The following FREM1 variants were observed in gnomAD, a reference collection of about 807,000 sequenced individuals.
The protein encoded by FREM1 is FRAS1-related extracellular matrix protein 1.
FREM1 carries 220 observed loss-of-function variants against 210.1 expected under a neutral mutation model. The ratio of observed to expected loss-of-function variants is 1.05; its 90% CI spans 0.94 to 1.17. The LOEUF (loss-of-function observed/expected upper bound fraction) is 1.17, where lower values mean the gene tolerates loss of function less well. FREM1 is among the 50% of genes most tolerant of loss of function. The probability of loss-of-function intolerance (pLI) is 0.00; values close to 1 mark genes in which losing one functional copy is unlikely to be tolerated. For synonymous variants in FREM1, 1,189 were observed against 980.2 expected (o/e 1.21, Z -3.98); for missense variants, 3,454 against 2,675.5 (o/e 1.29, Z -6.42).
At chr9:14,741,639 C>G (rs184295968) in intron 35 of FREM1, among the ~76,000 whole-genome samples, 1 of 152,258 alleles carries the variant, frequency 6.6e-6, no homozygotes, top group African/African-American at 2.4e-5. Flanking sequence ...TAAATATAAG[C>G]TGAGGGAGGG....
chr9:14,847,402 A>G (rs1215630854), intron 7 of FREM1, among the ~76,000 whole-genome samples: 1 of 68,794 alleles, frequency 1.5e-5, no homozygotes, highest in African/African-American at 5.3e-5. Flanking sequence ...AGAGAAAAAG[A>G]AGGAAGGAAG....
intron 29 of FREM1, among the ~76,000 whole-genome samples, chr9:14,751,144 G>C (rs907274979): frequency 6.6e-6 from 1 of 152,144 alleles, no homozygotes; most frequent in Non-Finnish European, 1.5e-5. Context: ...AGAAGAACAA[G>C]TGGTGGAAGG....
At chr9:14,861,175 A>G (rs180822581) in intron 3 of FREM1, among the ~76,000 whole-genome samples, 2,440 of 125,774 alleles carry the variant, frequency 0.019, 393 homozygotes, top group African/African-American at 0.081. Flanking sequence ...ACATGTATGT[A>G]CATATATACA....
intron 19 of FREM1, among the ~76,000 whole-genome samples, chr9:14,802,760 A>T (rs1159454150): frequency 6.6e-6 from 1 of 152,204 alleles, no homozygotes; most frequent in Non-Finnish European, 1.5e-5. Flanking sequence ...GGTAATCTGC[A>T]ATGTTACTAT....
chr9:14,850,415 A>C lies in FREM1; in HGVS notation c.1152+869T>G, dbSNP rs562675634. The C allele has an allele frequency of 2.7e-5, 4 of 149,314 alleles. No homozygotes were observed. The East Asian group carries it at 7.7e-4, about 29-fold the overall frequency. 9.2% of individuals were successfully genotyped at this position (149,314 alleles called of 1,614,324 possible). ...AAAAAAAAGAATAAAAGAATTTATT[A>C]ATAAAAGAATTGTGTGCTCACCTTG... On this transcript the variant is annotated intron_variant, in intron 6 of 36. Transcript: ENST00000380880.
rs1564100954 is a variant in FREM1 at position 14,860,742 on chromosome 9, T to TATATATGCAC, written c.330-1268_330-1259dup. The stretch of plus-strand genomic sequence containing the variant: ...ACACATATATACACATATATACACA[T>TATATATGCAC]ATATATGCACATATATATGCACATA... On this transcript the variant is annotated intron_variant, in intron 3 of 36. Coordinates refer to ENST00000380880, the MANE Select transcript of FREM1 (RefSeq NM_001379081.2). 1.6e-4 allele frequency among the ~76,000 whole-genome samples: 21 copies of TATATATGCAC among 127,814 alleles called. 1 individual carries two copies. Among genetic ancestry groups the TATATATGCAC allele is most frequent in the African/African-American group, 6.9e-4 (20 of 28,960 alleles). The allele number at this position is 127,814 out of a possible 152,430, so 83.9% of individuals were successfully genotyped here.
chr9:14,781,766 C>T (rs1404074968), intron 24 of FREM1, among the ~76,000 whole-genome samples: 2 of 152,128 alleles, frequency 1.3e-5, no homozygotes, highest in Admixed American at 6.5e-5. Context: ...TGTAGTGGCA[C>T]CATCGTGGCT....
In FREM1 at chr9:14,842,363, G is replaced by T. The variant is rs771059046; in HGVS notation, c.1691C>A (p.Pro564His). The change falls in exon 9 of 37, where the codon CCT becomes CAT. Residue 564 changes from proline to histidine, a missense_variant. Pro to His is a moderately conservative substitution (Grantham distance 77). Transcript: ENST00000380880. ...CTTCATGATCTCCCCAGCCTGTGGA[G>T]GCTTTGTGATATTGAAGAAGATGTA... is the stretch of plus-strand genomic sequence containing the variant. ...DDYIFFNITK[P>H]PQAGEIMKKP... 2.5e-6 allele frequency: 4 copies of T among 1,608,972 alleles called. No individual in the cohort carries two copies. In the East Asian group the frequency reaches 6.7e-5, roughly 27 times the overall value.
At chr9:14,890,057 T>C (rs1304565165) in intron 1 of FREM1, among the ~76,000 whole-genome samples, 3 of 152,222 alleles carry the variant, frequency 2.0e-5, no homozygotes, top group African/African-American at 7.2e-5. Flanking sequence ...TCCTTTCCTC[T>C]GGGTATCAGG....
At chr9:14,829,637 C>A (rs2130935862) in intron 10 of FREM1, among the ~76,000 whole-genome samples, 1 of 152,258 alleles carries the variant, frequency 6.6e-6, no homozygotes, top group Non-Finnish European at 1.5e-5. Context: ...CATAAGAAGG[C>A]CCTCACAAGA....
chr9:14,782,276 C>T (rs1164432491), intron 24 of FREM1: 1 of 581,022 alleles, frequency 1.7e-6, no homozygotes, highest in African/African-American at 2.0e-5. Context: ...TCTAATAAGA[C>T]TTTCTCTGGA....
At position 14,828,638 on chromosome 9, in the gene FREM1, C is replaced by CGGG. The variant is rs67204004; in HGVS notation, c.1882-3649_1882-3647dup. ...TATGGGAGAAGAACATAAATTGTGG[C>CGGG]GGGGCGGGGGAGGTGCCGGGGTAGA... On this transcript the variant is annotated intron_variant, in intron 10 of 36. Coordinates refer to ENST00000380880, the MANE Select transcript of FREM1 (RefSeq NM_001379081.2). 6.2e-4 allele frequency among the ~76,000 whole-genome samples: 46 copies of CGGG among 74,772 alleles called. 1 individual carries two copies. Among genetic ancestry groups the CGGG allele is most frequent in the African/African-American group, 2.5e-3 (41 of 16,728 alleles). 49.1% of individuals were successfully genotyped at this position (74,772 alleles called of 152,430 possible).
rs765024237 is a variant in FREM1, at chr9:14,747,356, T to G, written c.5917A>C (p.Ile1973Leu). The G allele has an allele frequency of 2.5e-6, 4 of 1,613,786 alleles. No individual in the cohort carries two copies. In the Admixed American group the frequency reaches 5.0e-5, roughly 20 times the overall value. Residue 1973 changes from isoleucine (I) to leucine (L), a missense_variant, in exon 33 of 37, where the codon ATC becomes CTC. Physicochemically the swap from Ile to Leu is conservative, Grantham distance 5. Transcript: ENST00000380880. ...PTHKRKAKVS[I>L]ISQPQKTIKV... The stretch of plus-strand genomic sequence containing the variant: ...ATTGTCTTTTGTGGCTGACTAATGA[T>G]GGATACTTTGGCCTTCCTTTTGTGA...
intron 1 of FREM1, among the ~76,000 whole-genome samples, chr9:14,892,171 G>A (rs1441112742): frequency 6.6e-6 from 1 of 152,040 alleles, no homozygotes; most frequent in African/African-American, 2.4e-5. Context: ...ACTACAGAAG[G>A]GACAATACTG....
At chr9:14,811,422 A>G (rs1355238516) in intron 16 of FREM1, among the ~76,000 whole-genome samples, 4 of 152,182 alleles carry the variant, frequency 2.6e-5, no homozygotes, top group Non-Finnish European at 5.9e-5. Context: ...ATTAAGCAAT[A>G]AATAACAATC....
intron 15 of FREM1, among the ~76,000 whole-genome samples, 199 bp downstream of exon 15, chr9:14,816,579 T>A (rs1459894605): frequency 6.6e-6 from 1 of 152,084 alleles, no homozygotes; most frequent in Non-Finnish European, 1.5e-5. Flanking sequence ...CTCTTGCTCT[T>A]TTTCTGCCCT....
At chr9:14,884,485 C>A (rs544346804) in intron 1 of FREM1, among the ~76,000 whole-genome samples, 16 of 152,250 alleles carry the variant, frequency 1.1e-4, no homozygotes, top group African/African-American at 3.6e-4. Flanking sequence ...TGAAAAAACA[C>A]GCTGTTTTGA....
intron 10 of FREM1, among the ~76,000 whole-genome samples, chr9:14,837,377 T>C (rs1824827957): frequency 5.3e-5 from 8 of 152,012 alleles, no homozygotes; most frequent in Admixed American, 5.3e-4. Flanking sequence ...GGGGAGCCTC[T>C]TCCTTCTGTC....
intron 1 of FREM1, among the ~76,000 whole-genome samples, chr9:14,900,370 T>C (rs1261072364): frequency 6.6e-6 from 1 of 152,252 alleles, no homozygotes; most frequent in Non-Finnish European, 1.5e-5. Context: ...TTTTATCTTA[T>C]TCTCCTCTAA....
Sources: allele counts gnomAD v4.1 joint callset (sites outside exome capture counted in the v4.1 genomes callset), GRCh38; gene constraint gnomAD v4.1.1; transcripts MANE v1.5; gene names NCBI Gene and HGNC (gene_info 2026-07-23, HGNC 2026-07-21).